KIF1A: variants seen among roughly 807,000 people sequenced by gnomAD.
The protein encoded by KIF1A is kinesin-like protein KIF1A.
KIF1A carries 46 observed loss-of-function variants against 227.3 expected under a neutral mutation model. The ratio of observed to expected loss-of-function variants is 0.20; its 90% CI spans 0.16 to 0.26. The LOEUF is 0.26. Ranked by LOEUF, KIF1A falls within the 10% of genes least tolerant of loss-of-function variation. The probability of loss-of-function intolerance (pLI) is 1.00; values close to 1 mark genes in which losing one functional copy is unlikely to be tolerated. For missense variants in KIF1A, 1,683 were observed against 2,485.9 expected, an observed-to-expected ratio of 0.68 and a Z score of 6.87; for synonymous variants, 1,022 against 1,012.8, an observed-to-expected ratio of 1.01 and a Z score of -0.17.
At chr2:240,811,414 T>C (rs1000228318) in intron 1 of KIF1A, among the ~76,000 whole-genome samples, 4 of 151,984 alleles carry the variant, frequency 2.6e-5, no homozygotes, top group African/African-American at 9.7e-5. Context: ...CTTCAAGAAG[T>C]TGTTCTGTCA....
In KIF1A at chr2:240,778,342, C is replaced by T. The variant is rs570688546; in HGVS notation, c.883-2416G>A. ...CAGGCGTTCCTCACCATTCTCCACA[C>T]GCCAGTCCCCACCGTCCCTGACACA... On this transcript the variant is annotated intron_variant, in intron 10 of 48. Coordinates refer to ENST00000498729, the MANE Select transcript of KIF1A (RefSeq NM_001244008.2). The surrounding 1 kb of genome is among the most constrained non-coding windows in gnomAD (Gnocchi z 7.2). Among the ~76,000 whole-genome samples the T allele has an allele frequency of 1.2e-4, 19 of 152,124 alleles. No individual in the cohort carries two copies. Among genetic ancestry groups the T allele is most frequent in the East Asian group, 9.6e-4 (5 of 5,182 alleles).
intron 1 of KIF1A, among the ~76,000 whole-genome samples, chr2:240,808,374 C>A (rs1321817563): frequency 6.6e-6 from 1 of 152,054 alleles, no homozygotes; most frequent in East Asian, 1.9e-4. Flanking sequence ...AAAATAATAA[C>A]CCAACCTGGC....
chr2:240,764,055 G>A (rs922361679), intron 20 of KIF1A, among the ~76,000 whole-genome samples: 2 of 152,200 alleles, frequency 1.3e-5, no homozygotes, highest in African/African-American at 2.4e-5. Flanking sequence ...CTGCCTGCAG[G>A]GGCTCTCTTT....
At position 240,758,099 on chromosome 2, in the gene KIF1A, C is replaced by A. The variant is rs924211320; in HGVS notation, c.2582+261G>T. On this transcript the variant is annotated intron_variant, in intron 26 of 48. Transcript: ENST00000498729. The surrounding 1 kb of genome is among the most constrained non-coding windows in gnomAD (Gnocchi z 5.2). ...ATTCATACACATGGACCCATGGGTT[C>A]TGGCGGCTACAGCCCTGCAGTGGGT... Among the ~76,000 whole-genome samples, 2 of 152,228 alleles carry A rather than the reference C, an allele frequency of 1.3e-5. No individual in the cohort carries two copies. The highest frequency in any genetic ancestry group is 1.3e-4 in the Admixed American group (2 of 15,288).
intron 27 of KIF1A, 79 bp from the exon 28 acceptor site, chr2:240,750,626 G>C: frequency 9.8e-7 from 1 of 1,023,482 alleles, no homozygotes; most frequent in Non-Finnish European, 1.5e-6. Context: ...GCATGGCCTG[G>C]CTCACGACAC....
chr2:240,725,159 C>G lies in KIF1A; in HGVS notation c.4256+112G>C. Reference sequence around the variant, plus strand: ...GCCAGCCAGGAGTGTGGCTGGGCCTCGCACAGGGTGAGCTGCCGGGTGGCC... The same window carrying G: ...GCCAGCCAGGAGTGTGGCTGGGCCTGGCACAGGGTGAGCTGCCGGGTGGCC... On this transcript the variant is annotated intron_variant, in intron 40 of 48. Coordinates refer to ENST00000498729, the MANE Select transcript of KIF1A (RefSeq NM_001244008.2). This position sits in a 1 kb window ranked among gnomAD's most constrained non-coding sequence, Gnocchi z 5.8. 8.4e-7 allele frequency: 1 copy of G among 1,188,426 alleles called. No homozygotes were observed. The highest frequency in any genetic ancestry group is 1.2e-6 in the Non-Finnish European group (1 of 842,602). The allele number at this position is 1,188,426 out of a possible 1,614,324, so 73.6% of individuals were successfully genotyped here.
rs2047758831 is a variant in KIF1A at position 240,739,958 on chromosome 2, A to G, written c.3901+100T>C. On this transcript the variant is annotated intron_variant, in intron 37 of 48. Coordinates refer to ENST00000498729, the MANE Select transcript of KIF1A (RefSeq NM_001244008.2). The surrounding 1 kb of genome is among the most constrained non-coding windows in gnomAD (Gnocchi z 5.6). ...CCCGGCCAGGGTCACGCAGCAACAGACGCAGAGGTGTGGTTAGAACCCGGG... is the reference window on the plus strand; with the variant it reads ...CCCGGCCAGGGTCACGCAGCAACAGGCGCAGAGGTGTGGTTAGAACCCGGG... The G allele has an allele frequency of 8.2e-6, 7 of 857,938 alleles. No homozygotes were observed. Among genetic ancestry groups the G allele is most frequent in the Non-Finnish European group, 1.3e-5 (7 of 524,522 alleles). 53.1% of individuals were successfully genotyped at this position (857,938 alleles called of 1,614,324 possible).
chr2:240,776,072 G>T (rs1290732474), intron 10 of KIF1A, 146 bp from the exon 11 acceptor site: 6 of 660,488 alleles, frequency 9.1e-6, no homozygotes, highest in Non-Finnish European at 1.4e-5. Flanking sequence ...ACATTCTCAG[G>T]CTGCCCAGGC....
At position 240,786,472 on chromosome 2, in the gene KIF1A, G is replaced by A. The variant is rs368414611; in HGVS notation, c.471C>T (p.Leu157=). Reference sequence around the variant, plus strand: ...GGTTGCCCTTGTTCTTGGGGTTCAGGAGGTCACGGACGCGCTCACAGTAAA... The same window carrying A: ...GGTTGCCCTTGTTCTTGGGGTTCAGAAGGTCACGGACGCGCTCACAGTAAA... ...MEIYCERVRD[L]LNPKNKGNLR... Residue 157 remains leucine, a synonymous_variant, in exon 6 of 49, where the codon CTC becomes CTT. Coordinates refer to ENST00000498729, the MANE Select transcript of KIF1A (RefSeq NM_001244008.2). The A allele has an allele frequency of 8.1e-6, 13 of 1,613,462 alleles. No individual in the cohort carries two copies. The highest frequency in any genetic ancestry group is 1.3e-5 in the African/African-American group (1 of 74,940).
chr2:240,797,818 A>G lies in KIF1A; in HGVS notation c.-60-6T>C. On this transcript the variant is annotated splice_region_variant and splice_polypyrimidine_tract_variant and intron_variant, in intron 1 of 48. Transcript: ENST00000498729. ...CCCCAGTGTGGGGGGAACACCTTGG[A>G]AAAAAGGGAAACATGAATTAGAAAC... The G allele has an allele frequency of 1.1e-6, 1 of 944,358 alleles. No individual in the cohort carries two copies. The highest frequency in any genetic ancestry group is 1.6e-6 in the Non-Finnish European group (1 of 615,950). The allele number at this position is 944,358 out of a possible 1,614,324, so 58.5% of individuals were successfully genotyped here.
At chr2:240,770,861 A>G (rs2125949256) in intron 15 of KIF1A, 110 bp downstream of exon 15, 2 of 1,325,312 alleles carry the variant, frequency 1.5e-6, no homozygotes, top group Non-Finnish European at 2.1e-6. Context: ...ATGCTCCACA[A>G]TGGCCCTATG....
chr2:240,763,010 G>A lies in KIF1A; in HGVS notation c.2022+9C>T, dbSNP rs751175706. On this transcript the variant is annotated intron_variant, in intron 22 of 48. Transcript: ENST00000498729. Reference sequence around the variant, plus strand: ...GGCTGGGCAGGGAGGGCGGGGCCACGTCACTCACCAGCCGCTGCTGCTCCA... The same window carrying A: ...GGCTGGGCAGGGAGGGCGGGGCCACATCACTCACCAGCCGCTGCTGCTCCA... 65 of 1,486,610 alleles carry A rather than the reference G, an allele frequency of 4.4e-5. No homozygotes were observed. The highest frequency in any genetic ancestry group is 2.2e-4 in the South Asian group (16 of 73,960). 92.1% of individuals were successfully genotyped at this position (1,486,610 alleles called of 1,614,324 possible). A position where few individuals can be genotyped will look rare whatever the true frequency, so the allele number is the denominator to read the frequency against.
upstream of KIF1A, among the ~76,000 whole-genome samples, chr2:240,820,697 TC>T (rs1289765867): frequency 4.0e-5 from 6 of 151,592 alleles, no homozygotes; most frequent in African/African-American, 1.5e-4. The surrounding 1 kb of genome is among the most constrained non-coding windows in gnomAD (Gnocchi z 6.2). Flanking sequence ...GAGGGAGGGC[TC>T]CTTGCGCCAG....
chr2:240,731,808 C>T (rs902169590), intron 38 of KIF1A, among the ~76,000 whole-genome samples: 3 of 151,848 alleles, frequency 2.0e-5, no homozygotes, highest in African/African-American at 7.3e-5. Context: ...CCAGCAGTCC[C>T]CATCACTGCT....
At chr2:240,780,848 C>A (rs1346104765) in intron 10 of KIF1A, among the ~76,000 whole-genome samples, 1 of 20,250 alleles carries the variant, frequency 4.9e-5, no homozygotes, top group Non-Finnish European at 7.6e-5. Context: ...ACACACAGCT[C>A]CACACACACA....
chr2:240,753,004 T>C (rs980292411), intron 27 of KIF1A, among the ~76,000 whole-genome samples: 1 of 152,074 alleles, frequency 6.6e-6, no homozygotes, highest in African/African-American at 2.4e-5. Flanking sequence ...ACAGCTGCCT[T>C]CCCAAAGCTT....
At chr2:240,759,940 C>T (rs1279758445) in intron 25 of KIF1A, among the ~76,000 whole-genome samples, 3 of 151,916 alleles carry the variant, frequency 2.0e-5, no homozygotes, top group Non-Finnish European at 4.4e-5. Flanking sequence ...TCACTTGAGC[C>T]CAGGAGTTTG....
At chr2:240,756,496 C>T (rs1218551277) in intron 27 of KIF1A, among the ~76,000 whole-genome samples, 1 of 152,212 alleles carries the variant, frequency 6.6e-6, no homozygotes, top group Non-Finnish European at 1.5e-5. Flanking sequence ...CATTCTGTCT[C>T]CCAACCGTGG....
chr2:240,749,368 G>C (rs1266439795), intron 28 of KIF1A, among the ~76,000 whole-genome samples: 1 of 152,092 alleles, frequency 6.6e-6, no homozygotes, highest in Non-Finnish European at 1.5e-5. Flanking sequence ...GCCTGCTCCA[G>C]GTCGCTCCTC....
Sources: allele counts gnomAD v4.1 joint callset (sites outside exome capture counted in the v4.1 genomes callset), GRCh38; gene constraint gnomAD v4.1.1; non-coding constraint Gnocchi (gnomAD v3.1); transcripts MANE v1.5; gene names NCBI Gene and HGNC (gene_info 2026-07-23, HGNC 2026-07-21).